HTR2C: variants seen among roughly 807,000 people sequenced by gnomAD.
The protein encoded by HTR2C is 5-hydroxytryptamine (serotonin) receptor 2C, G protein-coupled.
In HTR2C, 5 loss-of-function variants were observed where a neutral mutation model predicts 21.0. The observed-to-expected ratio is 0.24, with a 90% CI of 0.12 to 0.50. HTR2C has a LOEUF of 0.50. HTR2C is among the 20% of genes least tolerant of loss of function. HTR2C has a pLI of 0.98. For missense variants in HTR2C, 271 were observed against 371.2 expected (o/e 0.73, Z 2.22); for synonymous variants, 150 against 145.3 (o/e 1.03, Z -0.23).
chrX:114,606,978 G>A (rs1928477635), intron 1 of HTR2C, among the ~76,000 whole-genome samples: 1 of 108,245 alleles, frequency 9.2e-6, no homozygotes, highest in Admixed American at 9.7e-5. Context: ...TTGTTCTCTG[G>A]CGGGCAGGAG....
intron 2 of HTR2C, among the ~76,000 whole-genome samples, chrX:114,677,524 C>T (rs12858410): frequency 0.15 from 16,699 of 110,162 alleles, 923 homozygotes; most frequent in South Asian, 0.31. Context: ...ATTTTAACCA[C>T]GGTACAATGA....
intron 4 of HTR2C, among the ~76,000 whole-genome samples, chrX:114,822,631 A>G (rs1271965076): frequency 1.8e-5 from 2 of 112,353 alleles, no homozygotes; most frequent in East Asian, 5.6e-4. Flanking sequence ...GCTTGAAAGG[A>G]GGTAGCTCAA....
intron 4 of HTR2C, among the ~76,000 whole-genome samples, chrX:114,840,055 A>C (rs2070820250): frequency 9.0e-6 from 1 of 111,475 alleles, no homozygotes; most frequent in Non-Finnish European, 1.9e-5. Context: ...CAAATCCAGC[A>C]TCTCAACGAC....
intron 5 of HTR2C, among the ~76,000 whole-genome samples, chrX:114,896,042 T>A (rs2071294976): frequency 9.0e-6 from 1 of 111,369 alleles, no homozygotes; most frequent in South Asian, 3.7e-4. Context: ...ACAAATTTTG[T>A]ATGCTGTGTG....
chrX:114,698,943 G>A (rs1482813636), intron 2 of HTR2C, among the ~76,000 whole-genome samples: 1 of 111,466 alleles, frequency 9.0e-6, no homozygotes, highest in African/African-American at 3.3e-5. Flanking sequence ...CAGTATAAAT[G>A]ATCACTAATA....
intron 2 of HTR2C, among the ~76,000 whole-genome samples, chrX:114,724,146 A>G (rs1345444676): frequency 2.0e-5 from 2 of 101,947 alleles, no homozygotes; most frequent in African/African-American, 7.0e-5. Flanking sequence ...ATTGTGTGGG[A>G]GTCTAAGTCT....
intron 2 of HTR2C, among the ~76,000 whole-genome samples, chrX:114,649,492 T>C (rs1345832556): frequency 8.9e-6 from 1 of 112,482 alleles, no homozygotes; most frequent in Admixed American, 9.4e-5. Flanking sequence ...GTCTTCTGAA[T>C]TGGGGGACAC....
At chrX:114,842,123 T>G (rs2070839487) in intron 4 of HTR2C, among the ~76,000 whole-genome samples, 1 of 112,011 alleles carries the variant, frequency 8.9e-6, no homozygotes, top group African/African-American at 3.2e-5. Flanking sequence ...AACAAGGTAA[T>G]GCTAAATGAA....
Position 114,601,726 on chromosome X carries a change from C to T in HTR2C, c.-146-12089C>T, listed in dbSNP as rs1160702552. Among the ~76,000 whole-genome samples the T allele has an allele frequency of 4.7e-5, 5 of 107,297 alleles. No homozygotes were observed. In the Admixed American group the frequency reaches 5.1e-4, roughly 11 times the overall value. 93.2% of individuals were successfully genotyped at this position (107,297 alleles called of 115,157 possible). A position where few individuals can be genotyped will look rare whatever the true frequency, so the allele number is the denominator to read the frequency against. ...GCTTGGGCTCAGAGGCCTGACATTC[C>T]TGCCTTCTTATATTAATAAGAAAAA... On this transcript the variant is annotated intron_variant, in intron 1 of 5. Transcript: ENST00000276198.
chrX:114,756,436 G>C (rs2069814454), intron 4 of HTR2C, among the ~76,000 whole-genome samples: 1 of 111,419 alleles, frequency 9.0e-6, no homozygotes, highest in South Asian at 3.8e-4. Context: ...GCCCCAAACT[G>C]GAAACAACAT....
rs781938075 is a variant in HTR2C at position 114,906,683 on chromosome X, T to G, written c.645T>G (p.Val215=). Residue 215 remains valine (V), a synonymous_variant, in exon 6 of 6, where the codon GTT becomes GTG. Coordinates refer to ENST00000276198, the MANE Select transcript of HTR2C (RefSeq NM_000868.4). ...GCGTGCTCAACGACCCAAATTTCGT[T>G]CTTATTGGGTCCTTCGTAGCTTTCT... ...TTCVLNDPNF[V]LIGSFVAFFI... is the part of the protein sequence containing the mutation. 1.1e-5 allele frequency: 13 copies of G among 1,209,891 alleles called. No homozygotes were observed. The Admixed American group carries it at 2.8e-4, about 26-fold the overall frequency.
chrX:114,768,473 CCAAAA>C (rs2069967388), intron 4 of HTR2C, among the ~76,000 whole-genome samples: 2 of 110,388 alleles, frequency 1.8e-5, no homozygotes, highest in African/African-American at 6.5e-5. Context: ...TTCACGTGTA[CCAAAA>C]CAAATGTTCT....
At chrX:114,743,370 C>T (rs1460842419) in intron 4 of HTR2C, among the ~76,000 whole-genome samples, 1 of 111,373 alleles carries the variant, frequency 9.0e-6, no homozygotes, top group Non-Finnish European at 1.9e-5. Context: ...TGTTACAATA[C>T]TCTATGTAGT....
At chrX:114,648,205 T>C (rs1556407900) in intron 2 of HTR2C, among the ~76,000 whole-genome samples, 1 of 111,176 alleles carries the variant, frequency 9.0e-6, no homozygotes, top group African/African-American at 3.3e-5. Context: ...TCTGTGACTC[T>C]GTATTTTCAG....
rs201242584 is a variant in HTR2C at position 114,900,470 on chromosome X, GCAAAATGACT to G, written c.551-6116_551-6107del. On this transcript the variant is annotated intron_variant, in intron 5 of 5. Coordinates refer to ENST00000276198, the MANE Select transcript of HTR2C (RefSeq NM_000868.4). ...TGATGTCTATCTCATATCATAAAGAGCAAAATGACTCAGAGGAGGATAGTCTGAGATACTG... is the reference window on the plus strand; with the variant it reads ...TGATGTCTATCTCATATCATAAAGAGCAGAGGAGGATAGTCTGAGATACTG... 147 of 153,881 alleles carry G rather than the reference GCAAAATGACT, an allele frequency of 9.6e-4. 2 individuals carry two copies. The East Asian group carries it at 0.027, about 28-fold the overall frequency. The allele number at this position is 153,881 out of a possible 1,213,427, so 12.7% of individuals were successfully genotyped here.
At chrX:114,854,697 A>C (rs1476000903) in intron 5 of HTR2C, among the ~76,000 whole-genome samples, 1 of 111,760 alleles carries the variant, frequency 8.9e-6, no homozygotes, top group East Asian at 2.8e-4. Flanking sequence ...CCTTGAAAGC[A>C]CAAACAACGA....
chrX:114,698,081 A>G (rs1556416097), intron 2 of HTR2C, among the ~76,000 whole-genome samples: 1 of 112,327 alleles, frequency 8.9e-6, no homozygotes, highest in African/African-American at 3.2e-5. Context: ...CTCTGCTCCT[A>G]CAGGCAACCC....
rs1312412842 is a variant in HTR2C, at chrX:114,886,275, T to C, written c.551-20314T>C. Among the ~76,000 whole-genome samples the C allele has an allele frequency of 9.0e-5, 10 of 110,976 alleles. No homozygotes were observed. In the East Asian group the frequency reaches 2.8e-3, roughly 31 times the overall value. On this transcript the variant is annotated intron_variant, in intron 5 of 5. Transcript: ENST00000276198. ...TTGTGCCTCCTGTGTACAGCATTAG[T>C]TGGATCATGATTTTATTCAATCTTA...
At chrX:114,670,622 C>CT (rs1556411526) in intron 2 of HTR2C, among the ~76,000 whole-genome samples, 1 of 112,120 alleles carries the variant, frequency 8.9e-6, no homozygotes, top group African/African-American at 3.2e-5. Flanking sequence ...TAGCAACACA[C>CT]TTTTTATGGT....
Sources: allele counts gnomAD v4.1 joint callset (sites outside exome capture counted in the v4.1 genomes callset), GRCh38; gene constraint gnomAD v4.1.1; transcripts MANE v1.5; gene names NCBI Gene and HGNC (gene_info 2026-07-23, HGNC 2026-07-21).